The following KIF15 variants were observed in gnomAD, a reference collection of about 807,000 sequenced individuals.
KIF15 encodes the protein kinesin family member 15.
KIF15 carries 140 observed loss-of-function variants against 190.6 expected under a neutral mutation model. The observed-to-expected ratio is 0.73, with a 90% confidence interval of 0.64 to 0.84. The LOEUF is 0.84. Among genes scored for constraint, KIF15 ranks in the 40% least tolerant of loss-of-function variants. KIF15 has a pLI of 0.00. For missense variants in KIF15, 1,372 were observed against 1,584.4 expected (o/e 0.87, Z 2.28); for synonymous variants, 528 against 551.3 (o/e 0.96, Z 0.59).
In KIF15 at chr3:44,761,829, G is replaced by T. The variant is rs775452644; in HGVS notation, c.-37G>T. ...GGTGCAGTCGGGAGGTGGAGGCACC[G>T]GCTGCATTGTTTTCGGGATCGAGGG... On this transcript the variant is annotated 5_prime_UTR_variant, in exon 1 of 35. Transcript: ENST00000326047. 6.2e-7 allele frequency: 1 copy of T among 1,614,130 alleles called. No individual in the cohort carries two copies.
At chr3:44,865,893 A>T (rs1437838609) in intron 6 of KIF15, among the ~76,000 whole-genome samples, 1 of 152,166 alleles carries the variant, frequency 6.6e-6, no homozygotes, top group East Asian at 1.9e-4. Flanking sequence ...TGGTGCTCTC[A>T]AGGAGAAAAG....
intron 6 of KIF15, chr3:44,862,156 G>A: frequency 1.8e-6 from 2 of 1,133,532 alleles, no homozygotes; most frequent in Non-Finnish European, 2.2e-6. Context: ...GCTGCGGGCG[G>A]GCGGGCGGGG....
At chr3:44,784,294 C>T (rs1302694978) in intron 5 of KIF15, among the ~76,000 whole-genome samples, 1 of 152,062 alleles carries the variant, frequency 6.6e-6, no homozygotes, top group Non-Finnish European at 1.5e-5. Context: ...GCCTCAGCCT[C>T]TCCGAGTAGC....
rs564471212 is a variant in KIF15 at position 44,863,968 on chromosome 3, G to A, written c.*60-9361G>A. The A allele has an allele frequency of 3.7e-5, 20 of 540,618 alleles. 1 individual carries two copies. In the East Asian group the frequency reaches 5.5e-4, roughly 15 times the overall value. The allele number at this position is 540,618 out of a possible 1,614,324, so 33.5% of individuals were successfully genotyped here. ...CTTCCCAAGATCATATGGCCAGCAA[G>A]GTGGCCAAATGAGTATCTTCTCTGA... is the stretch of plus-strand genomic sequence containing the variant. On this transcript the variant is annotated intron_variant and NMD_transcript_variant, in intron 6 of 6. Coordinates refer to the KIF15 transcript ENST00000422209.
chr3:44,840,541 T>C (rs1698541015), intron 28 of KIF15, 85 bp downstream of exon 28: 1 of 850,558 alleles, frequency 1.2e-6, no homozygotes, highest in Non-Finnish European at 1.9e-6. Context: ...AACATACCTT[T>C]GTCTTTTTAA....
chr3:44,829,906 C>A, intron 24 of KIF15, 65 bp from the exon 25 acceptor site: 3 of 760,030 alleles, frequency 3.9e-6, no homozygotes, highest in Non-Finnish European at 5.8e-6. Flanking sequence ...AAGTGATTTA[C>A]CATTTAAAAA....
chr3:44,834,247 T>C (rs1399955875), intron 26 of KIF15, among the ~76,000 whole-genome samples: 1 of 152,180 alleles, frequency 6.6e-6, no homozygotes. Flanking sequence ...TATATTCAAA[T>C]TGTTCATATA....
rs556070422 is a variant in KIF15 at position 44,867,638 on chromosome 3, A to G, written c.*60-5691A>G. On this transcript the variant is annotated intron_variant and NMD_transcript_variant, in intron 6 of 6. Transcript: ENST00000422209. ...AACCCTATCACTCAATTCAACAAAT[A>G]TGCCTGTATTTGTACAAGATGTACA... Among the ~76,000 whole-genome samples the G allele has an allele frequency of 2.0e-5, 3 of 152,358 alleles. No individual in the cohort carries two copies. The East Asian group carries it at 5.8e-4, about 29-fold the overall frequency.
chr3:44,801,904 G>C lies in KIF15; in HGVS notation c.1439G>C (p.Gly480Ala), dbSNP rs1422118255. 4 of 1,613,958 alleles carry C rather than the reference G, an allele frequency of 2.5e-6. No individual in the cohort carries two copies. Among genetic ancestry groups the C allele is most frequent in the East Asian group, 2.2e-5 (1 of 44,886 alleles). ...LEKLHKESRGGFLPEEQDRLL... is the reference protein window; with the variant it reads ...LEKLHKESRGAFLPEEQDRLL... ...AAGCTCCACAAGGAATCCCGGGGAG[G>C]TTTTCTGCCTGAGGAGCAGGATCGT... is the stretch of plus-strand genomic sequence containing the variant. The change falls in exon 13 of 35, where the codon GGT becomes GCT. Residue 480 changes from glycine (G) to alanine (A), a missense_variant. Coordinates refer to ENST00000326047, the MANE Select transcript of KIF15 (RefSeq NM_020242.3).
At chr3:44,762,004 A>G (rs1446060009) in intron 1 of KIF15, 120 bp downstream of exon 1, 3 of 1,262,598 alleles carry the variant, frequency 2.4e-6, no homozygotes, top group African/African-American at 1.5e-5. Context: ...GAGCTGAGTG[A>G]CCGGCGGGGA....
intron 24 of KIF15, among the ~76,000 whole-genome samples, chr3:44,829,376 G>A (rs111868919): frequency 6.2e-5 from 7 of 112,406 alleles, no homozygotes; most frequent in African/African-American, 1.5e-4. Flanking sequence ...ATATATATAT[G>A]TGTGTGTGTG....
chr3:44,785,109 G>T (rs985726357), intron 6 of KIF15, among the ~76,000 whole-genome samples, 167 bp downstream of exon 6: 7 of 152,058 alleles, frequency 4.6e-5, no homozygotes, highest in African/African-American at 1.4e-4. Context: ...TAATATTAAG[G>T]ATTCTGAGTT....
chr3:44,786,663 C>A, intron 7 of KIF15, 89 bp downstream of exon 7: 1 of 999,022 alleles, frequency 1.0e-6, no homozygotes, highest in South Asian at 2.1e-5. Flanking sequence ...ATTGAGGTAC[C>A]AAAAATATGT....
chr3:44,796,837 T>C (rs1464175664), intron 8 of KIF15, among the ~76,000 whole-genome samples: 2 of 152,196 alleles, frequency 1.3e-5, no homozygotes, highest in African/African-American at 4.8e-5. Context: ...TTGGGGGCTG[T>C]ATGGGTGAGT....
At chr3:44,773,506 G>C (rs963429425) in intron 1 of KIF15, among the ~76,000 whole-genome samples, 2 of 152,172 alleles carry the variant, frequency 1.3e-5, no homozygotes, top group African/African-American at 4.8e-5. Flanking sequence ...GCAGCCACTG[G>C]GTTGCGGGTA....
intron 28 of KIF15, among the ~76,000 whole-genome samples, 199 bp downstream of exon 28, chr3:44,840,655 A>ATTTTTTTTTTT (rs60621752): frequency 1.5e-5 from 1 of 67,076 alleles, no homozygotes; most frequent in Non-Finnish European, 2.8e-5. Flanking sequence ...TAAGCAGCGG[A>ATTTTTTTTTTT]TTTTTTTTTT....
downstream of KIF15, among the ~76,000 whole-genome samples, chr3:44,855,161 A>G (rs1699175451): frequency 6.6e-6 from 1 of 152,156 alleles, no homozygotes; most frequent in African/African-American, 2.4e-5. Context: ...TAGTTCTTAT[A>G]GGTTTTGGGA....
chr3:44,812,198 T>C lies in KIF15; in HGVS notation c.2186T>C (p.Leu729Pro). ...GTGTTGCAGGAACAAATGAGTGCTC[T>C]TCAAGCCAAACTGGATGAAGAAGAG... ...LRTVQEQMSA[L>P]QAKLDEEEHK... Residue 729 changes from leucine (L) to proline (P), a missense_variant, in exon 18 of 35, where the codon CTT (leucine) becomes CCT (proline). Transcript: ENST00000326047. 6.2e-7 allele frequency: 1 copy of C among 1,613,554 alleles called. No homozygotes were observed. Among genetic ancestry groups the C allele is most frequent in the Non-Finnish European group, 8.5e-7 (1 of 1,179,820 alleles).
In KIF15 at chr3:44,852,946, C is replaced by A; in HGVS notation, c.*211C>A. ...AGTCAGCAGTCTGCTATTAAGTGGC[C>A]TACTTCAAGGCTTTGAATCAACTTA... On this transcript the variant is annotated 3_prime_UTR_variant, in exon 35 of 35. Coordinates refer to ENST00000326047, the MANE Select transcript of KIF15 (RefSeq NM_020242.3). 2.5e-6 allele frequency: 1 copy of A among 395,414 alleles called. No individual in the cohort carries two copies. The highest frequency in any genetic ancestry group is 7.4e-5 in the South Asian group (1 of 13,574). 24.5% of individuals were successfully genotyped at this position (395,414 alleles called of 1,614,324 possible).
Sources: gnomAD v4.1 joint callset for allele counts (sites outside exome capture counted in the v4.1 genomes callset) on GRCh38, gnomAD v4.1.1 for gene constraint, MANE v1.5 for transcripts, NCBI Gene and HGNC (gene_info 2026-07-23, HGNC 2026-07-21) for gene names.